RUNDC3B: variants seen among roughly 807,000 people sequenced by gnomAD.
RUNDC3B encodes RUN domain containing 3B.
Under a neutral mutation model 58.4 loss-of-function variants are expected in RUNDC3B, and 33 were observed. The observed-to-expected ratio is 0.56, with a 90% CI of 0.43 to 0.75. The LOEUF (loss-of-function observed/expected upper bound fraction) is 0.75, where lower values mean the gene tolerates loss of function less well. RUNDC3B is among the 30% of genes least tolerant of loss of function. RUNDC3B has a pLI of 0.00. For missense variants in RUNDC3B, 501 were observed against 535.7 expected (o/e 0.94, Z 0.64); for synonymous variants, 193 against 195.2 (o/e 0.99, Z 0.10).
chr7:87,735,919 A>AAATAAGGT (rs1328835740), intron 4 of RUNDC3B, among the ~76,000 whole-genome samples: 2 of 152,184 alleles, frequency 1.3e-5, no homozygotes, highest in Non-Finnish European at 1.5e-5. Context: ...TTACCATTGT[A>AAATAAGGT]ACTATAGTAC....
chr7:87,771,492 G>T (rs1349747811), intron 7 of RUNDC3B, among the ~76,000 whole-genome samples: 1 of 152,114 alleles, frequency 6.6e-6, no homozygotes, highest in Non-Finnish European at 1.5e-5. Context: ...GTACCAGCAA[G>T]AATTCAGACT....
chr7:87,820,335 C>A (rs1216587018), intron 10 of RUNDC3B, among the ~76,000 whole-genome samples: 4 of 151,998 alleles, frequency 2.6e-5, no homozygotes, highest in African/African-American at 4.8e-5. Context: ...ATGACTAAAC[C>A]AGGAAGAAGT....
intron 6 of RUNDC3B, among the ~76,000 whole-genome samples, chr7:87,770,147 C>T (rs979325583): frequency 1.3e-5 from 2 of 152,048 alleles, no homozygotes; most frequent in South Asian, 2.1e-4. Context: ...CTGTATTATA[C>T]CCCACTGTTA....
At chr7:87,689,207 G>A (rs1452220932) in intron 2 of RUNDC3B, among the ~76,000 whole-genome samples, 2 of 151,990 alleles carry the variant, frequency 1.3e-5, no homozygotes, top group Admixed American at 6.6e-5. Flanking sequence ...TATAATAAGA[G>A]AGTTAAAGAA....
chr7:87,712,787 G>A (rs1391168297), intron 4 of RUNDC3B, among the ~76,000 whole-genome samples: 1 of 151,960 alleles, frequency 6.6e-6, no homozygotes, highest in Non-Finnish European at 1.5e-5. Flanking sequence ...TCTTCAAACA[G>A]AAACATGGCT....
chr7:87,637,350 G>A (rs1425986995), intron 1 of RUNDC3B, among the ~76,000 whole-genome samples: 1 of 152,062 alleles, frequency 6.6e-6, no homozygotes, highest in Non-Finnish European at 1.5e-5. Context: ...CTTGATGTGT[G>A]GTAATATAAG....
intron 2 of RUNDC3B, among the ~76,000 whole-genome samples, chr7:87,654,820 A>G (rs1217002605): frequency 6.6e-6 from 1 of 152,144 alleles, no homozygotes; most frequent in Non-Finnish European, 1.5e-5. Flanking sequence ...ATAAGGGGCT[A>G]ATTTCCAAAA....
intron 2 of RUNDC3B, among the ~76,000 whole-genome samples, chr7:87,665,802 T>C (rs1334497649): frequency 6.6e-6 from 1 of 152,144 alleles, no homozygotes; most frequent in African/African-American, 2.4e-5. Context: ...TTTGGTTTTC[T>C]GTTCCCGCAT....
intron 2 of RUNDC3B, among the ~76,000 whole-genome samples, chr7:87,675,506 C>A (rs1407162411): frequency 6.6e-6 from 1 of 151,776 alleles, no homozygotes; most frequent in Non-Finnish European, 1.5e-5. Flanking sequence ...AAAACAGATA[C>A]ATAGACCAAT....
At chr7:87,660,328 A>G (rs186875637) in intron 2 of RUNDC3B, among the ~76,000 whole-genome samples, 3 of 152,082 alleles carry the variant, frequency 2.0e-5, no homozygotes, top group East Asian at 3.9e-4. Context: ...ATGTTATTCT[A>G]TTTTGTATTC....
chr7:87,662,219 ATTG>A, intron 2 of RUNDC3B, among the ~76,000 whole-genome samples: 1 of 152,046 alleles, frequency 6.6e-6, no homozygotes, highest in East Asian at 1.9e-4. Context: ...CACTTTGTTG[ATTG>A]TTTACTTTGC....
At chr7:87,751,650 T>C (rs1832994584) in intron 6 of RUNDC3B, among the ~76,000 whole-genome samples, 1 of 152,102 alleles carries the variant, frequency 6.6e-6, no homozygotes, top group Non-Finnish European at 1.5e-5. Context: ...CAATTGTGAA[T>C]GGGAGTTCAC....
chr7:87,641,698 CAT>C (rs1374761860), intron 1 of RUNDC3B, among the ~76,000 whole-genome samples: 1 of 152,172 alleles, frequency 6.6e-6, no homozygotes, highest in Non-Finnish European at 1.5e-5. Context: ...CTCCAAAATA[CAT>C]ATTGTTTTGA....
intron 1 of RUNDC3B, among the ~76,000 whole-genome samples, chr7:87,630,498 A>G (rs1307690985): frequency 6.6e-6 from 1 of 152,202 alleles, no homozygotes; most frequent in Non-Finnish European, 1.5e-5. Flanking sequence ...ATATCTTTAA[A>G]GTAGGTAAAT....
intron 2 of RUNDC3B, chr7:87,693,829 C>T (rs17328880): frequency 0.035 from 47,976 of 1,358,408 alleles, 994 homozygotes; most frequent in Middle Eastern, 0.042. Context: ...CTTAGTTGGG[C>T]TATTCAGTTT....
intron 4 of RUNDC3B, among the ~76,000 whole-genome samples, chr7:87,735,798 C>G (rs947747606): frequency 6.6e-6 from 1 of 152,092 alleles, no homozygotes; most frequent in Non-Finnish European, 1.5e-5. Flanking sequence ...TCAACAACCT[C>G]TTTATTTACT....
At chr7:87,734,789 T>C (rs537579612) in intron 4 of RUNDC3B, among the ~76,000 whole-genome samples, 4 of 149,714 alleles carry the variant, frequency 2.7e-5, no homozygotes, top group Admixed American at 1.3e-4. Flanking sequence ...CATACTGTAC[T>C]CCATCTCCCA....
At chr7:87,708,777 C>T (rs1299301608) in intron 3 of RUNDC3B, among the ~76,000 whole-genome samples, 1 of 151,998 alleles carries the variant, frequency 6.6e-6, no homozygotes, top group African/African-American at 2.4e-5. Flanking sequence ...CTAATTGTGT[C>T]TGTTTTTCAT....
intron 3 of RUNDC3B, among the ~76,000 whole-genome samples, chr7:87,702,274 A>G (rs1037271315): frequency 6.0e-5 from 8 of 133,990 alleles, no homozygotes; most frequent in African/African-American, 2.2e-4. Context: ...GTTTTATTTT[A>G]TTTTATTTTA....
Sources: allele counts gnomAD v4.1 joint callset (sites outside exome capture counted in the v4.1 genomes callset), GRCh38; gene constraint gnomAD v4.1.1; transcripts MANE v1.5; gene names NCBI Gene and HGNC (gene_info 2026-07-23, HGNC 2026-07-21).